The following MACF1 variants were observed in gnomAD, a reference collection of about 807,000 sequenced individuals.
The protein encoded by MACF1 is microtubule-actin cross-linking factor 1.
MACF1 carries 193 observed loss-of-function variants against 854.8 expected under a neutral mutation model. The observed-to-expected ratio is 0.23, with a 90% confidence interval of 0.20 to 0.25. The LOEUF is 0.25. MACF1 is among the 10% of genes least tolerant of loss of function. MACF1 has a pLI of 1.00. For synonymous variants in MACF1, 3,185 were observed against 3,226.7 expected (o/e 0.99, Z 0.44); for missense variants, 7,722 against 8,929.1 (o/e 0.86, Z 5.45).
At chr1:39,390,150 C>T (rs747007715) in intron 58 of MACF1, among the ~76,000 whole-genome samples, 1 of 152,214 alleles carries the variant, frequency 6.6e-6, no homozygotes, top group Non-Finnish European at 1.5e-5. Flanking sequence ...CACTCTGCCA[C>T]TGTACATGGA....
chr1:39,440,111 C>CTTTT (rs774399403), intron 72 of MACF1, among the ~76,000 whole-genome samples: 1,187 of 64,410 alleles, frequency 0.018, 58 homozygotes, highest in East Asian at 0.14. Context: ...CTTTTCTTTT[C>CTTTT]TTTTTTTTTT....
intron 2 of MACF1, among the ~76,000 whole-genome samples, chr1:39,152,006 C>G (rs1196055424): frequency 6.6e-6 from 1 of 151,942 alleles, no homozygotes; most frequent in East Asian, 1.9e-4. Flanking sequence ...CGGAGTTTTG[C>G]TCTTGTTACC....
rs139195163 is a variant in MACF1 at position 39,232,896 on chromosome 1, C to T, written c.171+1653C>T. ...CTCCTGGGCTTGAGTGATTCTCCCACCTCATCCTCCTGAGTAGCTGGAACT... is the reference window on the plus strand; with the variant it reads ...CTCCTGGGCTTGAGTGATTCTCCCATCTCATCCTCCTGAGTAGCTGGAACT... On this transcript the variant is annotated intron_variant, in intron 2 of 100. Coordinates refer to ENST00000564288, the MANE Select transcript of MACF1 (RefSeq NM_001394062.1). Among the ~76,000 whole-genome samples, 1,322 of 152,152 alleles carry T rather than the reference C, an allele frequency of 8.7e-3. 23 individuals carry two copies. The highest frequency in any genetic ancestry group is 0.03 in the African/African-American group (1,251 of 41,480).
Position 39,460,644 on chromosome 1 carries a change from G to A in MACF1, c.21373G>A (p.Ala7125Thr). 1 of 1,614,138 alleles carries A rather than the reference G, an allele frequency of 6.2e-7. No individual in the cohort carries two copies. The highest frequency in any genetic ancestry group is 8.5e-7 in the Non-Finnish European group (1 of 1,180,000). ...GATTTCTGTGTAGTTGAAAGAATTT[G>A]CCAACTTTGACTTTGATGTCTGGAG... ...LDRLEELKEF[A>T]NFDFDVWRKK... The change falls in exon 92 of 101, where the codon GCC becomes ACC. Residue 7125 changes from alanine (A) to threonine (T), a missense_variant. Coordinates refer to ENST00000564288, the MANE Select transcript of MACF1 (RefSeq NM_001394062.1). The surrounding 1 kb of genome is among the most constrained non-coding windows in gnomAD (Gnocchi z 4.1).
chr1:39,282,383 A>G lies in MACF1; in HGVS notation c.695+9A>G. The G allele has an allele frequency of 2.5e-6, 4 of 1,607,034 alleles. No homozygotes were observed. Among genetic ancestry groups the G allele is most frequent in the Non-Finnish European group, 3.4e-6 (4 of 1,175,178 alleles). On this transcript the variant is annotated intron_variant, in intron 7 of 100. Transcript: ENST00000564288. ...CTCATTCACCGATACCGGTAAGAACAGTGGAATTTCTGTGCTCCTGCAGGG... is the reference window on the plus strand; with the variant it reads ...CTCATTCACCGATACCGGTAAGAACGGTGGAATTTCTGTGCTCCTGCAGGG...
chr1:39,191,199 C>CTTTTTTTT (rs10708375), intron 2 of MACF1, among the ~76,000 whole-genome samples: 1 of 135,482 alleles, frequency 7.4e-6, no homozygotes, highest in African/African-American at 2.7e-5. Context: ...TTCTTTCTTT[C>CTTTTTTTT]TTTTTTTTTT....
intron 27 of MACF1, 75 bp from the exon 28 acceptor site, chr1:39,316,316 T>C: frequency 7.7e-7 from 1 of 1,298,324 alleles, no homozygotes; most frequent in Non-Finnish European, 1.1e-6. Flanking sequence ...TGAACCTCTC[T>C]ATAGCACTCC....
chr1:39,387,179 C>T lies in MACF1; in HGVS notation c.14345-8C>T. 6.2e-7 allele frequency: 1 copy of T among 1,608,386 alleles called. No homozygotes were observed. Among genetic ancestry groups the T allele is most frequent in the Non-Finnish European group, 8.5e-7 (1 of 1,177,222 alleles). ...TTTATTGATTTCAATTTTATTTTCT[C>T]ATTTCAGCCGATCGCATTAACAGAC... On this transcript the variant is annotated splice_polypyrimidine_tract_variant and splice_region_variant and intron_variant, in intron 57 of 100. Coordinates refer to ENST00000564288, the MANE Select transcript of MACF1 (RefSeq NM_001394062.1).
In MACF1 at chr1:39,334,563, G is replaced by T. The variant is rs375837044; in HGVS notation, c.7975G>T (p.Val2659Leu). The change falls in exon 37 of 101, where the codon GTG becomes TTG. Residue 2659 changes from valine to leucine, a missense_variant. This residue lies in a region of MACF1 where 1,531 missense variants were observed against 1,601.6 expected (regional missense o/e 0.96). Coordinates refer to ENST00000564288, the MANE Select transcript of MACF1 (RefSeq NM_001394062.1). ...VIPFSDIKDG[V>L]SDKVLTLSQA... ...TCCCTTCTCAGACATTAAAGATGGGGTGAGCGACAAAGTGCTTACATTGTC... is the reference window on the plus strand; with the variant it reads ...TCCCTTCTCAGACATTAAAGATGGGTTGAGCGACAAAGTGCTTACATTGTC... 21 of 1,614,006 alleles carry T rather than the reference G, an allele frequency of 1.3e-5. No individual in the cohort carries two copies. The African/African-American group carries it at 2.8e-4, about 22-fold the overall frequency.
chr1:39,439,131 A>G, intron 71 of MACF1, 143 bp from the exon 72 acceptor site: 1 of 522,518 alleles, frequency 1.9e-6, no homozygotes, highest in Non-Finnish European at 3.5e-6. Flanking sequence ...TAAAATAGAA[A>G]ATTATCCTTT....
intron 2 of MACF1, among the ~76,000 whole-genome samples, chr1:39,170,653 A>G (rs1438043499): frequency 6.6e-6 from 1 of 152,262 alleles, no homozygotes; most frequent in Non-Finnish European, 1.5e-5. Flanking sequence ...TTCAGCAGGT[A>G]ATTTATTGAA....
In MACF1 at chr1:39,433,576, G is replaced by A. The variant is rs926042260; in HGVS notation, c.17565+421G>A. ...GTTTGTAGACAAGTTTTTTCATTTC[G>A]TTTTGTTTTGTTTCATAAAGGATAT... On this transcript the variant is annotated intron_variant, in intron 68 of 100. Transcript: ENST00000564288. Among the ~76,000 whole-genome samples the A allele has an allele frequency of 5.3e-5, 8 of 152,132 alleles. No individual in the cohort carries two copies. The East Asian group carries it at 1.2e-3, about 22-fold the overall frequency.
intron 4 of MACF1, among the ~76,000 whole-genome samples, chr1:39,252,909 T>C (rs1254453723): frequency 3.1e-4 from 47 of 152,202 alleles, no homozygotes; most frequent in Non-Finnish European, 7.3e-5. Flanking sequence ...TCCATCCTTA[T>C]CTCTCCATGT....
intron 20 of MACF1, among the ~76,000 whole-genome samples, chr1:39,296,451 C>T (rs1275486598): frequency 3.3e-5 from 5 of 151,644 alleles, no homozygotes; most frequent in Non-Finnish European, 5.9e-5. Context: ...TACTGCTGGC[C>T]GGGCACCATG....
At chr1:39,471,570 C>G (rs1372267691) in intron 97 of MACF1, among the ~76,000 whole-genome samples, 1 of 152,136 alleles carries the variant, frequency 6.6e-6, no homozygotes, top group African/African-American at 2.4e-5. Context: ...AAATATTTTA[C>G]TAGCTAGATT....
chr1:39,237,110 G>A (rs1041966950), intron 2 of MACF1, among the ~76,000 whole-genome samples: 3 of 152,184 alleles, frequency 2.0e-5, no homozygotes, highest in African/African-American at 7.2e-5. Context: ...TTGCGCTATA[G>A]CCACATGAGA....
chr1:39,410,880 G>A (rs758405234), intron 58 of MACF1: 2 of 1,613,900 alleles, frequency 1.2e-6, no homozygotes, highest in Admixed American at 3.3e-5. Context: ...GTATTCCAGA[G>A]GTGCAAGATT....
Position 39,459,133 on chromosome 1 carries a change from C to T in MACF1, c.21244C>T (p.Gln7082Ter), listed in dbSNP as rs1644499543. The T allele has an allele frequency of 6.2e-7, 1 of 1,614,008 alleles. No individual in the cohort carries two copies. The highest frequency in any genetic ancestry group is 1.7e-5 in the Admixed American group (1 of 59,990). The change falls in exon 91 of 101, where the codon CAG (glutamine) becomes TAG (stop). Residue 7082 changes from glutamine to a stop codon, truncating the protein, a stop_gained. Coordinates refer to ENST00000564288, the MANE Select transcript of MACF1 (RefSeq NM_001394062.1). LOFTEE classifies it high-confidence loss of function. ...PTPPPMPILS[Q>*]SEAKNPRINQ... ...CCCTCCTCCCATGCCAATCCTTTCA[C>T]AGTCTGAAGCAAAAAACCCACGGAT...
At chr1:39,133,679 A>T (rs1327989288) in intron 2 of MACF1, among the ~76,000 whole-genome samples, 3 of 152,202 alleles carry the variant, frequency 2.0e-5, no homozygotes, top group Non-Finnish European at 4.4e-5. Flanking sequence ...TGATTAAATC[A>T]AGCTAGTTAA....
Sources: allele counts gnomAD v4.1 joint callset (sites outside exome capture counted in the v4.1 genomes callset), GRCh38; gene constraint gnomAD v4.1.1; regional missense constraint gnomAD v4.1.1; non-coding constraint Gnocchi (gnomAD v3.1); transcripts MANE v1.5; gene names NCBI Gene and HGNC (gene_info 2026-07-23, HGNC 2026-07-21).